LINGO2: variants seen among roughly 807,000 people sequenced by gnomAD.
LINGO2 encodes the protein leucine rich repeat and Ig domain containing 2.
In LINGO2, 14 loss-of-function variants were observed where a neutral mutation model predicts 30.6. The observed-to-expected ratio is 0.46, with a 90% CI of 0.30 to 0.72. The LOEUF (loss-of-function observed/expected upper bound fraction) is 0.72, where lower values mean the gene tolerates loss of function less well. Among genes scored for constraint, LINGO2 ranks in the 30% least tolerant of loss-of-function variants. The pLI is 0.07. For missense variants in LINGO2, 729 were observed against 751.7 expected, an observed-to-expected ratio of 0.97 and a Z score of 0.35; for synonymous variants, 317 against 288.5, an observed-to-expected ratio of 1.10 and a Z score of -1.00.
At chr9:28,344,043 C>T (rs1003309996) in intron 3 of LINGO2, among the ~76,000 whole-genome samples, 3 of 151,984 alleles carry the variant, frequency 2.0e-5, no homozygotes, top group Non-Finnish European at 4.4e-5. Flanking sequence ...GTATCTCGTC[C>T]CCCAGCTCTG....
the LINGO2 span, among the ~76,000 whole-genome samples, chr9:29,094,676 G>T: frequency 7.2e-6 from 1 of 138,700 alleles, no homozygotes. Flanking sequence ...GCTGACTATA[G>T]AAAGTAACAC....
chr9:28,125,961 T>A (rs918397231), intron 4 of LINGO2, among the ~76,000 whole-genome samples: 2 of 152,208 alleles, frequency 1.3e-5, no homozygotes, highest in Non-Finnish European at 1.5e-5. Flanking sequence ...GCACCTGTTA[T>A]ACTCCATATC....
At chr9:28,618,991 A>G (rs969935304) in intron 1 of LINGO2, among the ~76,000 whole-genome samples, 1 of 152,200 alleles carries the variant, frequency 6.6e-6, no homozygotes, top group Non-Finnish European at 1.5e-5. Context: ...CCTGGGGCAA[A>G]ATAAGACTTC....
At chr9:28,372,053 A>C (rs1292915388) in intron 3 of LINGO2, among the ~76,000 whole-genome samples, 2 of 152,140 alleles carry the variant, frequency 1.3e-5, no homozygotes, top group Admixed American at 1.3e-4. Flanking sequence ...TTCATTGATA[A>C]AAATATATGA....
chr9:28,541,248 T>C (rs1203396250), intron 1 of LINGO2, among the ~76,000 whole-genome samples: 5 of 152,138 alleles, frequency 3.3e-5, no homozygotes, highest in African/African-American at 1.2e-4. Context: ...TTAATTTACC[T>C]TGAAATATTG....
the LINGO2 span, among the ~76,000 whole-genome samples, chr9:29,186,977 GT>G: frequency 6.6e-6 from 1 of 152,110 alleles, no homozygotes. Context: ...ACTCCATTTG[GT>G]TTTTATACAC....
chr9:28,858,924 T>G, the LINGO2 span, among the ~76,000 whole-genome samples: 1 of 151,838 alleles, frequency 6.6e-6, no homozygotes, highest in East Asian at 1.9e-4. Flanking sequence ...CCCTTGCGTG[T>G]TGCAAAGCCT....
intron 3 of LINGO2, among the ~76,000 whole-genome samples, chr9:28,296,888 T>A (rs1331615327): frequency 6.6e-6 from 1 of 152,206 alleles, no homozygotes; most frequent in East Asian, 1.9e-4. Context: ...GCAAACTGTT[T>A]TTATTCATGC....
intron 4 of LINGO2, among the ~76,000 whole-genome samples, chr9:28,208,443 T>A (rs1820483669): frequency 6.6e-6 from 1 of 152,118 alleles, no homozygotes; most frequent in Admixed American, 6.6e-5. Context: ...TGCAATCTGC[T>A]ATTTAAGGAA....
At position 28,045,307 on chromosome 9, in the gene LINGO2, AGTTAAACTTT is replaced by A. The variant is rs754353114; in HGVS notation, c.-86-32912_-86-32903del. ...TTTAACCTCACCCTGACAGAGGGAG[AGTTAAACTTT>A]GAGTATTTTATAGACAGACTGCTTA... On this transcript the variant is annotated intron_variant, in intron 4 of 5. Coordinates refer to ENST00000379992, the Ensembl canonical transcript of LINGO2. Among the ~76,000 whole-genome samples the A allele has an allele frequency of 2.6e-3, 399 of 152,244 alleles. 3 individuals carry two copies. The highest frequency in any genetic ancestry group is 8.0e-3 in the African/African-American group (334 of 41,554).
the LINGO2 span, among the ~76,000 whole-genome samples, chr9:28,815,283 T>A: frequency 6.6e-6 from 1 of 152,204 alleles, no homozygotes; most frequent in Non-Finnish European, 1.5e-5. Context: ...TTCTTATTTC[T>A]TAATATAATA....
intron 4 of LINGO2, among the ~76,000 whole-genome samples, chr9:28,259,483 G>A (rs1466932052): frequency 2.0e-5 from 3 of 151,782 alleles, no homozygotes; most frequent in Non-Finnish European, 4.4e-5. Flanking sequence ...CCGATAGCTT[G>A]GGGTCTGAGT....
At position 28,180,750 on chromosome 9, in the gene LINGO2, T is replaced by A. The variant is rs540997270; in HGVS notation, c.-87+114458A>T. Among the ~76,000 whole-genome samples, 5 of 152,228 alleles carry A rather than the reference T, an allele frequency of 3.3e-5. No homozygotes were observed. The East Asian group carries it at 5.8e-4, about 18-fold the overall frequency. ...CAGTTTATCCAATAAATATCATTTT[T>A]AAAAATGTCCTCTCCCAAGTAAGAG... On this transcript the variant is annotated intron_variant, in intron 4 of 5. Coordinates refer to ENST00000379992, the Ensembl canonical transcript of LINGO2.
chr9:28,921,469 G>A, the LINGO2 span, among the ~76,000 whole-genome samples: 1 of 152,130 alleles, frequency 6.6e-6, no homozygotes, highest in Non-Finnish European at 1.5e-5. Context: ...AATTATTGCA[G>A]ATTTTGCCAA....
intron 5 of LINGO2, among the ~76,000 whole-genome samples, chr9:27,996,859 A>C (rs1469995104): frequency 6.6e-6 from 1 of 152,216 alleles, no homozygotes; most frequent in Non-Finnish European, 1.5e-5. Flanking sequence ...AAAATATCAC[A>C]TCTCCATAAA....
chr9:29,122,689 A>T, the LINGO2 span, among the ~76,000 whole-genome samples: 1 of 152,128 alleles, frequency 6.6e-6, no homozygotes, highest in Non-Finnish European at 1.5e-5. Context: ...TTCAAAGGTG[A>T]CTTTGTCAGC....
chr9:28,600,721 G>T (rs1825425386), intron 1 of LINGO2, among the ~76,000 whole-genome samples: 1 of 152,082 alleles, frequency 6.6e-6, no homozygotes, highest in Admixed American at 6.6e-5. Flanking sequence ...ATAACAAGCA[G>T]TAATTAGCAT....
the LINGO2 span, among the ~76,000 whole-genome samples, chr9:28,985,290 TTC>T: frequency 2.0e-5 from 3 of 152,120 alleles, no homozygotes; most frequent in African/African-American, 7.2e-5. Flanking sequence ...CTTAGGTTGA[TTC>T]CATATCTTGG....
intron 4 of LINGO2, among the ~76,000 whole-genome samples, chr9:28,206,442 G>A (rs1169151961): frequency 6.6e-6 from 1 of 152,132 alleles, no homozygotes; most frequent in Non-Finnish European, 1.5e-5. Context: ...GTGATAAAAT[G>A]TCTGTCACTT....
Sources: allele counts gnomAD v4.1 joint callset (sites outside exome capture counted in the v4.1 genomes callset), GRCh38; gene constraint gnomAD v4.1.1; transcripts MANE v1.5; gene names NCBI Gene and HGNC (gene_info 2026-07-23, HGNC 2026-07-21).